GXYLT2: variants seen among roughly 807,000 people sequenced by gnomAD.
The protein encoded by GXYLT2 is glucoside xylosyltransferase 2.
GXYLT2 carries 53 observed loss-of-function variants against 45.8 expected under a neutral mutation model. The observed-to-expected ratio is 1.16, with a 90% CI of 0.93 to 1.46. The LOEUF (loss-of-function observed/expected upper bound fraction) is 1.46. Among genes scored for constraint, GXYLT2 ranks in the 40% most tolerant of loss-of-function variants. GXYLT2 has a pLI of 0.00. For missense variants in GXYLT2, 551 were observed against 544.4 expected (o/e 1.01, Z -0.12); for synonymous variants, 219 against 214.2 (o/e 1.02, Z -0.19).
chr3:72,963,320 A>T (rs561812956), intron 5 of GXYLT2, among the ~76,000 whole-genome samples: 1 of 152,054 alleles, frequency 6.6e-6, no homozygotes, highest in African/African-American at 2.4e-5. Flanking sequence ...GACACCTGTA[A>T]TCCCAGCACT....
At chr3:72,896,854 TA>T (rs112290225) in intron 1 of GXYLT2, among the ~76,000 whole-genome samples, 19,896 of 144,522 alleles carry the variant, frequency 0.14, 3,205 homozygotes, top group African/African-American at 0.4. Flanking sequence ...TGTCTCACAT[TA>T]AAAAAAAAAA....
At chr3:72,912,015 T>TATATATATATA (rs1559731120) in intron 2 of GXYLT2, among the ~76,000 whole-genome samples, 25 of 116,112 alleles carry the variant, frequency 2.2e-4, no homozygotes, top group African/African-American at 8.2e-4. Context: ...ATATATATAT[T>TATATATATATA]TTTTTTTTTT....
chr3:72,919,688 G>A (rs1709796814), intron 2 of GXYLT2, among the ~76,000 whole-genome samples: 1 of 152,230 alleles, frequency 6.6e-6, no homozygotes, highest in African/African-American at 2.4e-5. Context: ...GTGGGAGGCG[G>A]CGGTTGCAGT....
intron 1 of GXYLT2, among the ~76,000 whole-genome samples, chr3:72,907,504 T>C (rs1349082145): frequency 6.6e-6 from 1 of 152,110 alleles, no homozygotes; most frequent in Non-Finnish European, 1.5e-5. Context: ...GCCAACTTCT[T>C]CCAACTTGAC....
At chr3:72,947,647 A>G (rs1004092868) in intron 3 of GXYLT2, among the ~76,000 whole-genome samples, 2 of 152,108 alleles carry the variant, frequency 1.3e-5, no homozygotes, top group African/African-American at 2.4e-5. Context: ...TAAAAATGCA[A>G]AAAAGTAGCC....
At chr3:72,960,507 T>C (rs1298303570) in intron 5 of GXYLT2, among the ~76,000 whole-genome samples, 1 of 152,214 alleles carries the variant, frequency 6.6e-6, no homozygotes, top group Non-Finnish European at 1.5e-5. Flanking sequence ...CTGAGATCCA[T>C]TGAGTAAAAC....
rs1211729852 is a variant in GXYLT2 at position 72,902,906 on chromosome 3, G to T, written c.276-5461G>T. On this transcript the variant is annotated intron_variant, in intron 1 of 6. Transcript: ENST00000389617. ...TGGGCACCTGTAATCCCAGCTACTC[G>T]GGAGGCTGAGGCAGGAGAATCGTTT... 4.6e-5 allele frequency among the ~76,000 whole-genome samples: 7 copies of T among 152,120 alleles called. No homozygotes were observed. In the East Asian group the frequency reaches 1.4e-3, roughly 29 times the overall value.
At chr3:72,924,664 T>C (rs775704069) in intron 3 of GXYLT2, among the ~76,000 whole-genome samples, 9 of 152,118 alleles carry the variant, frequency 5.9e-5, no homozygotes, top group Admixed American at 1.3e-4. Flanking sequence ...ATGGTTGCCT[T>C]AGAGATGGAT....
chr3:72,889,164 T>C (rs1322723300), intron 1 of GXYLT2, among the ~76,000 whole-genome samples: 2 of 152,196 alleles, frequency 1.3e-5, no homozygotes, highest in East Asian at 3.8e-4. Flanking sequence ...TCTCTTTCCC[T>C]ACACAAAGCC....
At chr3:72,895,498 C>T (rs1159049950) in intron 1 of GXYLT2, among the ~76,000 whole-genome samples, 4 of 152,080 alleles carry the variant, frequency 2.6e-5, no homozygotes, top group African/African-American at 7.2e-5. Context: ...CATATTGACA[C>T]GGTTCCTTTT....
chr3:72,912,129 G>A (rs1294269254), intron 2 of GXYLT2, among the ~76,000 whole-genome samples: 1 of 150,886 alleles, frequency 6.6e-6, no homozygotes, highest in African/African-American at 2.4e-5. Context: ...TCATGCCTCA[G>A]CCTCCCAAGT....
At chr3:72,905,807 A>G (rs958252553) in intron 1 of GXYLT2, among the ~76,000 whole-genome samples, 4 of 152,012 alleles carry the variant, frequency 2.6e-5, no homozygotes, top group South Asian at 2.1e-4. Flanking sequence ...TGCAGCTTCT[A>G]TTTTACTTTG....
Position 72,955,123 on chromosome 3 carries a change from T to A in GXYLT2, c.626T>A (p.Leu209His), listed in dbSNP as rs1310154990. 4 of 1,613,904 alleles carry A rather than the reference T, an allele frequency of 2.5e-6. No homozygotes were observed. The highest frequency in any genetic ancestry group is 3.4e-6 in the Non-Finnish European group (4 of 1,179,880). ...LPVILKDVDS[L>H]LYVDTDVLFL... ...GTGATTTTAAAGGATGTGGACTCACTTCTCTACGTGGACACCGATGTCCTC... is the reference window on the plus strand; with the variant it reads ...GTGATTTTAAAGGATGTGGACTCACATCTCTACGTGGACACCGATGTCCTC... Residue 209 changes from leucine (L) to histidine (H), a missense_variant, in exon 4 of 7, where the codon CTT becomes CAT. Coordinates refer to ENST00000389617, the MANE Select transcript of GXYLT2 (RefSeq NM_001080393.2).
At chr3:72,931,464 C>T (rs1439982003) in intron 3 of GXYLT2, among the ~76,000 whole-genome samples, 1 of 151,804 alleles carries the variant, frequency 6.6e-6, no homozygotes, top group Non-Finnish European at 1.5e-5. Flanking sequence ...CTCCTGACCT[C>T]GTGATTCACC....
At chr3:72,945,539 T>A (rs1710387352) in intron 3 of GXYLT2, among the ~76,000 whole-genome samples, 1 of 152,052 alleles carries the variant, frequency 6.6e-6, no homozygotes, top group Non-Finnish European at 1.5e-5. Context: ...CTGTGAGACA[T>A]GACGGAAGGA....
chr3:72,969,392 CAAA>C (rs11376005), intron 6 of GXYLT2, among the ~76,000 whole-genome samples: 4 of 115,302 alleles, frequency 3.5e-5, no homozygotes, highest in African/African-American at 2.9e-5. Context: ...GACCCTGTCT[CAAA>C]AAAAAAAAAA....
chr3:72,898,004 A>G (rs1037906596), intron 1 of GXYLT2, among the ~76,000 whole-genome samples: 5 of 152,242 alleles, frequency 3.3e-5, no homozygotes, highest in Admixed American at 1.3e-4. Context: ...ATTTATATAC[A>G]CACACCCACA....
intron 2 of GXYLT2, among the ~76,000 whole-genome samples, chr3:72,917,187 C>T (rs978292429): frequency 6.6e-6 from 1 of 152,018 alleles, no homozygotes; most frequent in African/African-American, 2.4e-5. Flanking sequence ...CTCACTGCAG[C>T]CCCAACCTCT....
Position 72,955,120 on chromosome 3 carries a change from C to T in GXYLT2, c.623C>T (p.Ser208Leu). ...AAGGTGATTTTAAAGGATGTGGACT[C>T]ACTTCTCTACGTGGACACCGATGTC... ...FLPVILKDVD[S>L]LLYVDTDVLF... Residue 208 changes from serine (S) to leucine (L), a missense_variant, in exon 4 of 7, where the codon TCA becomes TTA. Ser to Leu is a moderately radical substitution (Grantham distance 145, BLOSUM62 -2). Transcript: ENST00000389617. 6.2e-7 allele frequency: 1 copy of T among 1,613,982 alleles called. No individual in the cohort carries two copies. Among genetic ancestry groups the T allele is most frequent in the Non-Finnish European group, 8.5e-7 (1 of 1,179,882 alleles).
Sources: allele counts gnomAD v4.1 joint callset (sites outside exome capture counted in the v4.1 genomes callset), GRCh38; gene constraint gnomAD v4.1.1; transcripts MANE v1.5; gene names NCBI Gene and HGNC (gene_info 2026-07-23, HGNC 2026-07-21).